TAB1: variants seen among roughly 807,000 people sequenced by gnomAD.
TAB1 encodes TGF-beta activated kinase 1 (MAP3K7) binding protein 1.
In TAB1, 30 loss-of-function variants were observed where a neutral mutation model predicts 54.5. That is an observed-to-expected ratio of 0.55 (90% CI 0.41 to 0.75). TAB1 has a LOEUF of 0.75. TAB1 is among the 30% of genes least tolerant of loss of function. The pLI is 0.00. For synonymous variants in TAB1, 289 were observed against 286.9 expected, an observed-to-expected ratio of 1.01 and a Z score of -0.07; for missense variants, 609 against 683.2, an observed-to-expected ratio of 0.89 and a Z score of 1.21.
chr22:39,417,552 C>T (rs894729522), intron 4 of TAB1, among the ~76,000 whole-genome samples, 159 bp from the exon 5 acceptor site: 3 of 150,962 alleles, frequency 2.0e-5, no homozygotes, highest in African/African-American at 4.9e-5. Flanking sequence ...ACCTGGGAGG[C>T]GGAGCTTGTA....
intron 1 of TAB1, among the ~76,000 whole-genome samples, chr22:39,404,467 C>T (rs1168935682): frequency 6.6e-6 from 1 of 151,514 alleles, no homozygotes; most frequent in African/African-American, 2.4e-5. Context: ...ACTTAGGAGA[C>T]TTAATGGGGT....
intron 1 of TAB1, among the ~76,000 whole-genome samples, chr22:39,402,435 G>T (rs1026222146): frequency 6.6e-6 from 1 of 152,236 alleles, no homozygotes; most frequent in African/African-American, 2.4e-5. Context: ...GTCTGGGTCA[G>T]TGGAGGTTTG....
rs59238518 is a variant in TAB1 at position 39,406,880 on chromosome 22, G to A, written c.33+7045G>A. Among the ~76,000 whole-genome samples the A allele has an allele frequency of 7.6e-3, 1,153 of 152,226 alleles. 18 individuals are homozygous for A. Among genetic ancestry groups the A allele is most frequent in the African/African-American group, 0.026 (1,092 of 41,552 alleles). The stretch of plus-strand genomic sequence containing the variant: ...AATCTCTTGACCTCATGATCTGCCC[G>A]CCTTGGCCTCCCAAAGTGCTGGGAT... On this transcript the variant is annotated intron_variant, in intron 1 of 10. Transcript: ENST00000216160.
At chr22:39,432,782 C>T (rs1185902493), downstream of TAB1, 25 of 985,586 alleles carry the variant, frequency 2.5e-5, no homozygotes, top group South Asian at 2.3e-4. Context: ...TGGGGCCGGG[C>T]GCTGCACTGT....
chr22:39,428,274 C>T, intron 10 of TAB1, 91 bp downstream of exon 10: 2 of 853,748 alleles, frequency 2.3e-6, no homozygotes, highest in African/African-American at 1.7e-5. Flanking sequence ...GGGGCCAAGG[C>T]TTGTGGATGA....
At chr22:39,429,910 G>T in intron 10 of TAB1, 105 bp from the exon 11 acceptor site, 1 of 1,557,272 alleles carries the variant, frequency 6.4e-7, no homozygotes. Context: ...AGAAAGGCCT[G>T]TGGCCCAAGA....
intron 1 of TAB1, among the ~76,000 whole-genome samples, chr22:39,407,731 G>A (rs1350835318): frequency 6.6e-6 from 1 of 151,908 alleles, no homozygotes; most frequent in African/African-American, 2.4e-5. Flanking sequence ...GTGATTCGCC[G>A]GTCTCGGCCT....
In TAB1 at chr22:39,431,375, C is replaced by T; in HGVS notation, c.*1153C>T. On this transcript the variant is annotated 3_prime_UTR_variant, in exon 11 of 11. Coordinates refer to ENST00000216160, the MANE Select transcript of TAB1 (RefSeq NM_006116.3). Reference sequence around the variant, plus strand: ...CGAGAGACTTGCACCTTGGCCAAGCCACACAATCAGTGGGGCAGCCAGAGC... The same window carrying T: ...CGAGAGACTTGCACCTTGGCCAAGCTACACAATCAGTGGGGCAGCCAGAGC... The T allele has an allele frequency of 1.0e-6, 1 of 985,472 alleles. No individual in the cohort carries two copies. The highest frequency in any genetic ancestry group is 1.2e-6 in the Non-Finnish European group (1 of 829,980). The allele number at this position is 985,472 out of a possible 1,614,324, so 61.0% of individuals were successfully genotyped here.
At position 39,419,638 on chromosome 22, in the gene TAB1, C is replaced by G; in HGVS notation, c.776+8C>G. On this transcript the variant is annotated splice_region_variant and intron_variant, in intron 7 of 10. Coordinates refer to ENST00000216160, the MANE Select transcript of TAB1 (RefSeq NM_006116.3). ...GGACATTGACCTTCTCAGGTAGGTG[C>G]CAGCCCAGCTGTCCCCTGTGCTTGA... The G allele has an allele frequency of 6.3e-7, 1 of 1,585,732 alleles. No individual in the cohort carries two copies. The highest frequency in any genetic ancestry group is 8.6e-7 in the Non-Finnish European group (1 of 1,157,314).
intron 8 of TAB1, among the ~76,000 whole-genome samples, chr22:39,424,147 C>G (rs897984928): frequency 6.6e-6 from 1 of 152,186 alleles, no homozygotes; most frequent in Non-Finnish European, 1.5e-5. Flanking sequence ...GCCTTCATCT[C>G]CATCCAAGTT....
intron 7 of TAB1, 119 bp downstream of exon 7, chr22:39,419,749 T>G: frequency 1.7e-6 from 1 of 578,056 alleles, no homozygotes; most frequent in Non-Finnish European, 3.0e-6. Context: ...ATCATGCCAC[T>G]GCACTCCAGC....
intron 8 of TAB1, among the ~76,000 whole-genome samples, chr22:39,423,685 C>G (rs1927191464): frequency 6.6e-6 from 1 of 151,802 alleles, no homozygotes; most frequent in Admixed American, 6.6e-5. Flanking sequence ...TTTTGAGGTA[C>G]CAGTATTTTT....
chr22:39,427,627 T>C (rs1363295124), intron 9 of TAB1, among the ~76,000 whole-genome samples: 2 of 152,220 alleles, frequency 1.3e-5, no homozygotes, highest in Non-Finnish European at 2.9e-5. Context: ...TGTTCTCCCA[T>C]GGACACCAGG....
chr22:39,415,369 C>T lies in TAB1; in HGVS notation c.171-131C>T. The stretch of plus-strand genomic sequence containing the variant: ...AGCCAGAGTGAAATGATGGCTAAAG[C>T]AGGGGGACCCAGGAGGGCCCCTGAA... On this transcript the variant is annotated intron_variant, in intron 2 of 10. Coordinates refer to ENST00000216160, the MANE Select transcript of TAB1 (RefSeq NM_006116.3). The surrounding 1 kb of genome is among the most constrained non-coding windows in gnomAD (Gnocchi z 4.9). The T allele has an allele frequency of 8.5e-7, 1 of 1,178,520 alleles. No individual in the cohort carries two copies. Among genetic ancestry groups the T allele is most frequent in the Non-Finnish European group, 1.2e-6 (1 of 832,196 alleles). 73.0% of individuals were successfully genotyped at this position (1,178,520 alleles called of 1,614,324 possible). A position where few individuals can be genotyped will look rare whatever the true frequency, so the allele number is the denominator to read the frequency against.
chr22:39,401,070 C>T (rs576505133), intron 1 of TAB1, among the ~76,000 whole-genome samples: 2 of 151,510 alleles, frequency 1.3e-5, no homozygotes, highest in East Asian at 3.9e-4. Context: ...AAGTAAACTC[C>T]TTGAGGACAG....
Position 39,430,718 on chromosome 22 carries a change from G to A in TAB1, c.*496G>A. 1 of 1,026,482 alleles carries A rather than the reference G, an allele frequency of 9.7e-7. No individual in the cohort carries two copies. Among genetic ancestry groups the A allele is most frequent in the African/African-American group, 1.7e-5 (1 of 59,996 alleles). The allele number at this position is 1,026,482 out of a possible 1,614,324, so 63.6% of individuals were successfully genotyped here. ...CTGCATCCAGAGTGGAACCCAGGCTGGTGTCCGCATCTGTCCCTGGGCCCC... is the reference window on the plus strand; with the variant it reads ...CTGCATCCAGAGTGGAACCCAGGCTAGTGTCCGCATCTGTCCCTGGGCCCC... On this transcript the variant is annotated 3_prime_UTR_variant, in exon 11 of 11. Coordinates refer to ENST00000216160, the MANE Select transcript of TAB1 (RefSeq NM_006116.3).
At chr22:39,404,593 A>T (rs1228096325) in intron 1 of TAB1, among the ~76,000 whole-genome samples, 2 of 152,178 alleles carry the variant, frequency 1.3e-5, no homozygotes, top group Non-Finnish European at 2.9e-5. Flanking sequence ...GTAAGCTTAA[A>T]ATCAATTTTT....
At chr22:39,436,633 C>G (rs1927796878), downstream of TAB1, 2 of 1,341,698 alleles carry the variant, frequency 1.5e-6, no homozygotes, top group South Asian at 2.3e-5. Flanking sequence ...GTTTTGTCGC[C>G]TGGTCTGACT....
Position 39,406,065 on chromosome 22 carries a change from CAT to C in TAB1, c.33+6231_33+6232del, listed in dbSNP as rs200678824. ...AACATACCAACTCCAGAGACGTTAACATGTGGAAAATGTAGGTCTTCAAATCA... is the reference window on the plus strand; with the variant it reads ...AACATACCAACTCCAGAGACGTTAACGTGGAAAATGTAGGTCTTCAAATCA... On this transcript the variant is annotated intron_variant, in intron 1 of 10. Transcript: ENST00000216160. Among the ~76,000 whole-genome samples, 1,273 of 152,244 alleles carry C rather than the reference CAT, an allele frequency of 8.4e-3. 15 individuals carry two copies. Among genetic ancestry groups the C allele is most frequent in the South Asian group, 0.03 (143 of 4,818 alleles).
Sources: allele counts gnomAD v4.1 joint callset (sites outside exome capture counted in the v4.1 genomes callset), GRCh38; gene constraint gnomAD v4.1.1; non-coding constraint Gnocchi (gnomAD v3.1); transcripts MANE v1.5; gene names NCBI Gene and HGNC (gene_info 2026-07-23, HGNC 2026-07-21).